The following CHEK2 variants were observed in gnomAD, a reference collection of about 807,000 sequenced individuals.
CHEK2 encodes the protein checkpoint kinase 2.
In CHEK2, 71 loss-of-function variants were observed where a neutral mutation model predicts 69.1. The ratio of observed to expected loss-of-function variants is 1.03; its 90% CI spans 0.85 to 1.25. The LOEUF (loss-of-function observed/expected upper bound fraction) is 1.25, where lower values mean the gene tolerates loss of function less well. Ranked by LOEUF, CHEK2 falls within the 50% of genes most tolerant of loss-of-function variation. The pLI is 0.00. For missense variants in CHEK2, 664 were observed against 649.6 expected (o/e 1.02, Z -0.24); for synonymous variants, 189 against 226.9 (o/e 0.83, Z 1.50).
intron 8 of CHEK2, among the ~76,000 whole-genome samples, chr22:28,701,298 C>T (rs1219538263): frequency 6.6e-6 from 1 of 152,058 alleles, no homozygotes; most frequent in Non-Finnish European, 1.5e-5. Context: ...ACAACCTCCG[C>T]CTCCCAGGTT....
chr22:28,728,479 A>T (rs772536763), intron 2 of CHEK2, among the ~76,000 whole-genome samples: 2 of 152,124 alleles, frequency 1.3e-5, no homozygotes, highest in Non-Finnish European at 2.9e-5. Context: ...GGATTGCTTG[A>T]CTTCAGGAGA....
intron 1 of CHEK2, among the ~76,000 whole-genome samples, chr22:28,739,893 T>C (rs1303667374): frequency 6.6e-6 from 1 of 152,098 alleles, no homozygotes; most frequent in Non-Finnish European, 1.5e-5. Context: ...AGGGACCAGA[T>C]GTTTGTCTAA....
intron 1 of CHEK2, among the ~76,000 whole-genome samples, chr22:28,735,648 A>C (rs2054380698): frequency 6.6e-6 from 1 of 150,952 alleles, no homozygotes; most frequent in Non-Finnish European, 1.5e-5. Context: ...CTGGGGGGTC[A>C]AGGCAGGTAG....
chr22:28,712,001 C>A lies in CHEK2; in HGVS notation c.700G>T (p.Val234Leu). The stretch of plus-strand genomic sequence containing the variant: ...GTTTTCCTCTCGAAAGCCAGCTTTA[C>A]CTCTCCACAGGCACCACTAGAGGGA... ...KTLGSGACGE[V>L]KLAFERKTCK... is the part of the protein sequence containing the mutation. Residue 234 changes from valine (V) to leucine (L), a missense_variant, in exon 6 of 15, where the codon GTA becomes TTA. Physicochemically the swap from Val to Leu is conservative, Grantham distance 32. Transcript: ENST00000404276. 6.2e-7 allele frequency: 1 copy of A among 1,612,160 alleles called. No individual in the cohort carries two copies. Among genetic ancestry groups the A allele is most frequent in the South Asian group, 1.1e-5 (1 of 91,018 alleles).
At chr22:28,702,276 T>C (rs2052900239) in intron 8 of CHEK2, among the ~76,000 whole-genome samples, 1 of 151,328 alleles carries the variant, frequency 6.6e-6, no homozygotes, top group Non-Finnish European at 1.5e-5. Flanking sequence ...TCTCGCTCTG[T>C]CACCCAGGCT....
intron 2 of CHEK2, among the ~76,000 whole-genome samples, chr22:28,728,569 G>A (rs1467734756): frequency 2.0e-5 from 3 of 152,134 alleles, no homozygotes; most frequent in African/African-American, 7.2e-5. Context: ...AGGTGTGGTG[G>A]CGCGCCCCTG....
chr22:28,721,636 T>TAA (rs199835095), intron 4 of CHEK2: 17 of 378,458 alleles, frequency 4.5e-5, no homozygotes, highest in South Asian at 6.2e-5. Flanking sequence ...TTTTCTCTAT[T>TAA]AAAAAAAAAA....
intron 8 of CHEK2, among the ~76,000 whole-genome samples, chr22:28,700,234 C>G (rs970881198): frequency 7.7e-6 from 1 of 130,620 alleles, no homozygotes; most frequent in African/African-American, 2.8e-5. Context: ...TTTTTTGAGA[C>G]AGAGCCTCGC....
intron 5 of CHEK2, among the ~76,000 whole-genome samples, chr22:28,716,967 G>T (rs1471305804): frequency 1.3e-5 from 2 of 152,106 alleles, no homozygotes; most frequent in Non-Finnish European, 2.9e-5. Flanking sequence ...ACTGAATGAC[G>T]AAACAAATTA....
chr22:28,701,388 T>G (rs1390281448), intron 8 of CHEK2, among the ~76,000 whole-genome samples: 1 of 151,992 alleles, frequency 6.6e-6, no homozygotes, highest in Admixed American at 6.6e-5. Context: ...ATTTTTGTAT[T>G]TTTAGTAGAG....
chr22:28,724,024 A>C (rs1490871861), intron 4 of CHEK2, among the ~76,000 whole-genome samples: 2 of 152,238 alleles, frequency 1.3e-5, no homozygotes, highest in African/African-American at 4.8e-5. Context: ...TAATGGCCTG[A>C]AACAACAATT....
intron 8 of CHEK2, among the ~76,000 whole-genome samples, chr22:28,700,355 G>A (rs2052792211): frequency 1.3e-5 from 2 of 151,966 alleles, no homozygotes; most frequent in Non-Finnish European, 2.9e-5. Context: ...GGGATTACAG[G>A]TATGCACCAC....
intron 8 of CHEK2, among the ~76,000 whole-genome samples, chr22:28,700,330 G>C (rs1415208114): frequency 6.6e-6 from 1 of 151,198 alleles, no homozygotes; most frequent in African/African-American, 2.4e-5. Context: ...TCATGCCTTA[G>C]CCTCCCAAGT....
chr22:28,703,429 G>A (rs2052968418), intron 8 of CHEK2, 76 bp downstream of exon 8: 2 of 822,882 alleles, frequency 2.4e-6, no homozygotes, highest in Admixed American at 2.1e-5. Context: ...AGAAAGGCAA[G>A]CCTACATTAG....
intron 8 of CHEK2, among the ~76,000 whole-genome samples, chr22:28,700,243 G>A (rs982369369): frequency 1.7e-4 from 24 of 139,530 alleles, no homozygotes; most frequent in Non-Finnish European, 2.9e-4. Context: ...ACAGAGCCTC[G>A]CTCTGTCACC....
At chr22:28,712,707 G>A (rs17882704) in intron 5 of CHEK2, among the ~76,000 whole-genome samples, 4,067 of 152,238 alleles carry the variant, frequency 0.027, 95 homozygotes, top group African/African-American at 0.061. Flanking sequence ...ATGGCTACTA[G>A]GGCATCAATT....
At chr22:28,720,804 T>A (rs1314018356) in intron 4 of CHEK2, among the ~76,000 whole-genome samples, 2 of 152,234 alleles carry the variant, frequency 1.3e-5, no homozygotes, top group East Asian at 3.8e-4. Context: ...CATCTGAGAA[T>A]GTAGAAATTT....
At chr22:28,723,503 C>G (rs1248139507) in intron 4 of CHEK2, among the ~76,000 whole-genome samples, 3 of 141,608 alleles carry the variant, frequency 2.1e-5, no homozygotes, top group African/African-American at 8.0e-5. Context: ...GAGGCTGAGG[C>G]AGGAGAATGG....
chr22:28,710,583 A>G (rs2053357178), intron 6 of CHEK2, among the ~76,000 whole-genome samples: 1 of 152,256 alleles, frequency 6.6e-6, no homozygotes, highest in Non-Finnish European at 1.5e-5. Context: ...CAACTTCAAC[A>G]GCAGCCTCGC....
Sources: allele counts gnomAD v4.1 joint callset (sites outside exome capture counted in the v4.1 genomes callset), GRCh38; gene constraint gnomAD v4.1.1; transcripts MANE v1.5; gene names NCBI Gene and HGNC (gene_info 2026-07-23, HGNC 2026-07-21).